The following PCTP variants were observed in gnomAD, a reference collection of about 807,000 sequenced individuals.
PCTP encodes the protein START domain-containing protein 2.
A neutral mutation model predicts 31.0 loss-of-function variants in PCTP; 27 were observed. That is an observed-to-expected ratio of 0.87 (90% CI 0.64 to 1.20). The LOEUF (loss-of-function observed/expected upper bound fraction) is 1.20. Among genes scored for constraint, PCTP ranks in the 50% most tolerant of loss-of-function variants. The pLI is 0.00. For missense variants in PCTP, 287 were observed against 268.2 expected (o/e 1.07, Z -0.49); for synonymous variants, 108 against 101.2 (o/e 1.07, Z -0.40).
At chr17:55,815,104 T>C (rs1217670938) in intron 3 of PCTP, among the ~76,000 whole-genome samples, 1 of 152,232 alleles carries the variant, frequency 6.6e-6, no homozygotes, top group Admixed American at 6.5e-5. Flanking sequence ...AATGCTTATG[T>C]GCATTGCTGC....
At chr17:55,843,551 T>C (rs1381781926), downstream of PCTP, among the ~76,000 whole-genome samples, 1 of 152,208 alleles carries the variant, frequency 6.6e-6, no homozygotes, top group African/African-American at 2.4e-5. Flanking sequence ...ACATTCTTCC[T>C]GCCCTCACTC....
At chr17:55,833,001 T>TG (rs1476611226) in intron 5 of PCTP, among the ~76,000 whole-genome samples, 1 of 152,194 alleles carries the variant, frequency 6.6e-6, no homozygotes, top group Non-Finnish European at 1.5e-5. Flanking sequence ...ATATGTTCCC[T>TG]GGGAACACTG....
chr17:55,770,907 T>A (rs1439790744), intron 2 of PCTP, 199 bp from the exon 3 acceptor site: 1 of 436,008 alleles, frequency 2.3e-6, no homozygotes, highest in Non-Finnish European at 4.1e-6. Context: ...TTTTTTTTTT[T>A]TTATATATAG....
intron 3 of PCTP, among the ~76,000 whole-genome samples, chr17:55,801,891 A>G (rs967028889): frequency 1.3e-5 from 2 of 152,196 alleles, no homozygotes; most frequent in African/African-American, 2.4e-5. Context: ...AGATAGAGAC[A>G]TGAAAAACCC....
chr17:55,811,345 G>C (rs35685822), intron 3 of PCTP, among the ~76,000 whole-genome samples: 21,248 of 152,148 alleles, frequency 0.14, 1,554 homozygotes, highest in Middle Eastern at 0.19. Context: ...TCTCTTCCAA[G>C]CACTTTTCAC....
downstream of PCTP, among the ~76,000 whole-genome samples, chr17:55,777,714 A>T (rs1911413398): frequency 6.6e-6 from 1 of 152,212 alleles, no homozygotes; most frequent in Non-Finnish European, 1.5e-5. Context: ...ACTTTCCATA[A>T]CTTAGAGCAC....
At chr17:55,812,169 T>C (rs1912772709) in intron 3 of PCTP, among the ~76,000 whole-genome samples, 1 of 152,158 alleles carries the variant, frequency 6.6e-6, no homozygotes, top group South Asian at 2.1e-4. Flanking sequence ...GTGCTTCTAG[T>C]TCACTTTGAG....
chr17:55,795,650 G>A (rs74587819), intron 3 of PCTP, among the ~76,000 whole-genome samples: 4,159 of 152,142 alleles, frequency 0.027, 188 homozygotes, highest in African/African-American at 0.095. Flanking sequence ...TAAATGTGGC[G>A]TGATGCCTTG....
At chr17:55,842,891 C>T (rs1473294149), downstream of PCTP, 1 of 152,130 alleles carries the variant, frequency 6.6e-6, no homozygotes, top group East Asian at 1.9e-4. Context: ...AGAGAAGACA[C>T]ATAAATAAGA....
chr17:55,841,074 C>T (rs944825054), intron 5 of PCTP, among the ~76,000 whole-genome samples: 1 of 152,028 alleles, frequency 6.6e-6, no homozygotes, highest in African/African-American at 2.4e-5. Context: ...GTAATTGATA[C>T]GTATGTGTAT....
intron 1 of PCTP, among the ~76,000 whole-genome samples, chr17:55,766,726 G>T (rs1468999978): frequency 6.6e-6 from 1 of 152,270 alleles, no homozygotes; most frequent in East Asian, 1.9e-4. Flanking sequence ...AAACATATGT[G>T]TGCATGTGTC....
intron 3 of PCTP, among the ~76,000 whole-genome samples, chr17:55,814,341 A>C (rs551929127): frequency 2.4e-4 from 37 of 152,344 alleles, no homozygotes; most frequent in African/African-American, 8.7e-4. Context: ...TGTTCACTAA[A>C]ATGAGTTGTA....
At chr17:55,796,731 A>G (rs1351770397) in intron 3 of PCTP, among the ~76,000 whole-genome samples, 2 of 152,042 alleles carry the variant, frequency 1.3e-5, no homozygotes, top group Non-Finnish European at 2.9e-5. Context: ...AATAGAATAG[A>G]GGATGACTTT....
At chr17:55,815,724 A>G (rs1264255829) in intron 3 of PCTP, among the ~76,000 whole-genome samples, 3 of 152,184 alleles carry the variant, frequency 2.0e-5, no homozygotes, top group Non-Finnish European at 4.4e-5. Flanking sequence ...AACCAGCTAT[A>G]AGAGAGGTTT....
Position 55,829,233 on chromosome 17 carries a change from CATACTT to C in PCTP, n.505+6308_505+6313del, listed in dbSNP as rs376437083. On this transcript the variant is annotated intron_variant and non_coding_transcript_variant, in intron 5 of 5. Coordinates refer to the PCTP transcript ENST00000576221. ...ATGTGAAAAAAAAAAAAAATAAAGA[CATACTT>C]ACACTTCACCTAGTGAATCAGTTTG... is the stretch of plus-strand genomic sequence containing the variant. 5.2e-3 allele frequency among the ~76,000 whole-genome samples: 782 copies of C among 151,434 alleles called. 6 individuals are homozygous for C. The highest frequency in any genetic ancestry group is 0.018 in the African/African-American group (749 of 41,212).
intron 5 of PCTP, among the ~76,000 whole-genome samples, chr17:55,839,056 C>G (rs1038278778): frequency 2.0e-5 from 3 of 152,190 alleles, no homozygotes; most frequent in Non-Finnish European, 4.4e-5. Context: ...TCACATAGAA[C>G]ATCCATAGGA....
At position 55,834,412 on chromosome 17, in the gene PCTP, C is replaced by T. The variant is rs546056629; in HGVS notation, n.506-8315C>T. 1.4e-3 allele frequency among the ~76,000 whole-genome samples: 217 copies of T among 152,242 alleles called. 1 individual carries two copies. Among genetic ancestry groups the T allele is most frequent in the African/African-American group, 5.1e-3 (213 of 41,542 alleles). On this transcript the variant is annotated intron_variant and non_coding_transcript_variant, in intron 5 of 5. Coordinates refer to the PCTP transcript ENST00000576221. Reference sequence around the variant, plus strand: ...GTTCCCCTCCCTGTGTCAAAACTGGCTTTCTCTGCCTCTCAGTCCATGTGA... The same window carrying T: ...GTTCCCCTCCCTGTGTCAAAACTGGTTTTCTCTGCCTCTCAGTCCATGTGA...
chr17:55,774,568 A>G (rs2144970095), intron 4 of PCTP, among the ~76,000 whole-genome samples: 1 of 152,272 alleles, frequency 6.6e-6, no homozygotes, highest in South Asian at 2.1e-4. Flanking sequence ...CTTGCCAGGT[A>G]TTTAATAAAT....
chr17:55,770,982 C>T (rs1910959537), intron 2 of PCTP, 124 bp from the exon 3 acceptor site: 4 of 701,296 alleles, frequency 5.7e-6, no homozygotes, highest in Non-Finnish European at 1.0e-5. Context: ...ATTGACTCAC[C>T]TTGGCCTCAA....
Sources: allele counts gnomAD v4.1 joint callset (sites outside exome capture counted in the v4.1 genomes callset), GRCh38; gene constraint gnomAD v4.1.1; transcripts MANE v1.5; gene names NCBI Gene and HGNC (gene_info 2026-07-23, HGNC 2026-07-21).